Variants in PTPN9 observed in about 807,000 individuals in gnomAD.
PTPN9 encodes protein tyrosine phosphatase non-receptor type 9.
In PTPN9, 26 loss-of-function variants were observed where a neutral mutation model predicts 69.8. The observed-to-expected ratio is 0.37, with a 90% CI of 0.27 to 0.52. The LOEUF is 0.52. Ranked by LOEUF, PTPN9 falls within the 20% of genes least tolerant of loss-of-function variation. PTPN9 has a pLI of 0.91. For synonymous variants in PTPN9, 274 were observed against 272.5 expected, an observed-to-expected ratio of 1.01 and a Z score of -0.05; for missense variants, 549 against 740.3, an observed-to-expected ratio of 0.74 and a Z score of 3.00.
At chr15:75,475,012 C>T (rs1297810273) in intron 9 of PTPN9, among the ~76,000 whole-genome samples, 1 of 152,220 alleles carries the variant, frequency 6.6e-6, no homozygotes, top group African/African-American at 2.4e-5. Flanking sequence ...CTTTCTCTGA[C>T]CACCGCATTC....
At chr15:75,500,169 C>G (rs557058619) in intron 7 of PTPN9, among the ~76,000 whole-genome samples, 1 of 152,008 alleles carries the variant, frequency 6.6e-6, no homozygotes, top group East Asian at 1.9e-4. Flanking sequence ...CAAAATTAAC[C>G]GGGTGTGGTG....
At chr15:75,560,414 A>C (rs529411700) in intron 1 of PTPN9, among the ~76,000 whole-genome samples, 2 of 152,294 alleles carry the variant, frequency 1.3e-5, no homozygotes, top group East Asian at 1.9e-4. Flanking sequence ...GGCATGGAAG[A>C]GCTAGAGCCT....
chr15:75,468,931 G>C lies in PTPN9; in HGVS notation c.1620C>G (p.Thr540=), dbSNP rs750673882. ...GTGACACCGTCTGGAACACATTAAG[G>C]GTGCCAAGCTCCTCCAGCTGTGCCA... ...ICLAQLEELG[T]LNVFQTVSRM... Residue 540 remains threonine (T), a synonymous_variant, in exon 13 of 13, where the codon ACC becomes ACG. Transcript: ENST00000618819. The C allele has an allele frequency of 9.9e-6, 16 of 1,614,176 alleles. No homozygotes were observed. In the East Asian group the frequency reaches 3.6e-4, roughly 36 times the overall value.
At chr15:75,502,400 A>G (rs147082704) in intron 7 of PTPN9, among the ~76,000 whole-genome samples, 1 of 151,956 alleles carries the variant, frequency 6.6e-6, no homozygotes, top group South Asian at 2.1e-4. Context: ...GTGAGCCGAG[A>G]TCGTGCCATT....
At position 75,470,989 on chromosome 15, in the gene PTPN9, T is replaced by C. The variant is rs558971600; in HGVS notation, c.1209-159A>G. 23 of 881,718 alleles carry C rather than the reference T, an allele frequency of 2.6e-5. No homozygotes were observed. The South Asian group carries it at 4.7e-4, about 18-fold the overall frequency. The allele number at this position is 881,718 out of a possible 1,614,324, so 54.6% of individuals were successfully genotyped here. A position where few individuals can be genotyped will look rare whatever the true frequency, so the allele number is the denominator to read the frequency against. On this transcript the variant is annotated intron_variant, in intron 10 of 12. Coordinates refer to ENST00000618819, the MANE Select transcript of PTPN9 (RefSeq NM_002833.4). ...CTCAGCAGAAAGGAAAGGAAACCTCTTCATTCTAAACAAATGTACTCACAG... is the reference window on the plus strand; with the variant it reads ...CTCAGCAGAAAGGAAAGGAAACCTCCTCATTCTAAACAAATGTACTCACAG...
chr15:75,500,664 G>C (rs1342037458), intron 7 of PTPN9, among the ~76,000 whole-genome samples: 1 of 152,104 alleles, frequency 6.6e-6, no homozygotes, highest in African/African-American at 2.4e-5. Flanking sequence ...GCTGAGGCAG[G>C]AGGATCACTT....
At chr15:75,560,156 AT>A (rs1030373235) in intron 1 of PTPN9, among the ~76,000 whole-genome samples, 7 of 142,092 alleles carry the variant, frequency 4.9e-5, no homozygotes, top group African/African-American at 8.1e-5. Flanking sequence ...AAAAAAAAAA[AT>A]TTATCTGATA....
rs1412531654 is a variant in PTPN9, at chr15:75,470,687, T to C, written c.1352A>G (p.Asn451Ser). The C allele has an allele frequency of 1.2e-6, 2 of 1,614,118 alleles. No homozygotes were observed. Among genetic ancestry groups the C allele is most frequent in the Non-Finnish European group, 1.7e-6 (2 of 1,179,966 alleles). ...AAAGAAACCTGGATTTACCTCTGTG[T>C]TGTGAATTTCTAGCGTTGTTTTCTT... ...HYKKTTLEIH[N>S]TEERQKRQVT... is the part of the protein sequence containing the mutation. Residue 451 changes from asparagine (N) to serine (S), a missense_variant, in exon 11 of 13, where the codon AAC becomes AGC. By Grantham distance (46) the Asn-to-Ser change is conservative (BLOSUM62 1). Coordinates refer to ENST00000618819, the MANE Select transcript of PTPN9 (RefSeq NM_002833.4).
At chr15:75,481,945 G>A (rs1304711697) in intron 8 of PTPN9, among the ~76,000 whole-genome samples, 8 of 145,164 alleles carry the variant, frequency 5.5e-5, no homozygotes, top group South Asian at 2.3e-4. Flanking sequence ...CCACCACCCC[G>A]TCTGGGAGGT....
At chr15:75,542,912 A>G (rs897706228) in intron 1 of PTPN9, among the ~76,000 whole-genome samples, 2 of 149,988 alleles carry the variant, frequency 1.3e-5, no homozygotes, top group African/African-American at 2.5e-5. Flanking sequence ...GGTTTGTTAC[A>G]TATGTATACA....
At chr15:75,577,235 A>G (rs965725154) in intron 1 of PTPN9, among the ~76,000 whole-genome samples, 1 of 152,222 alleles carries the variant, frequency 6.6e-6, no homozygotes, top group African/African-American at 2.4e-5. Context: ...AACGGATGCT[A>G]TTTGCATAGA....
At chr15:75,548,898 C>G (rs556904844) in intron 1 of PTPN9, among the ~76,000 whole-genome samples, 1 of 151,164 alleles carries the variant, frequency 6.6e-6, no homozygotes, top group Non-Finnish European at 1.5e-5. Context: ...TGTGATCCGC[C>G]CGCCTCAGCC....
At chr15:75,529,292 A>C (rs563562731) in intron 1 of PTPN9, among the ~76,000 whole-genome samples, 1 of 151,916 alleles carries the variant, frequency 6.6e-6, no homozygotes, top group Admixed American at 6.6e-5. Flanking sequence ...GCCAGGAATA[A>C]TTTTTTTGTA....
At chr15:75,470,566 C>T in intron 11 of PTPN9, 114 bp downstream of exon 11, 1 of 1,313,184 alleles carries the variant, frequency 7.6e-7, no homozygotes. Flanking sequence ...CCTAGAAAAA[C>T]AGAAGCAACT....
chr15:75,508,963 G>A lies in PTPN9; in HGVS notation c.593C>T (p.Pro198Leu). The change falls in exon 6 of 13, where the codon CCC becomes CTC. Residue 198 changes from proline to leucine, a missense_variant. By Grantham distance (98) the Pro-to-Leu change is moderately conservative (BLOSUM62 -3). Transcript: ENST00000618819. ...IVGAPIWFRVPYSIISLLLKD... is the reference protein window; with the variant it reads ...IVGAPIWFRVLYSIISLLLKD... Reference sequence around the variant, plus strand: ...CAGGAGGAGACTGATGATGGAATAGGGCACTCGGAACCATATGGGTGCCCC... The same window carrying A: ...CAGGAGGAGACTGATGATGGAATAGAGCACTCGGAACCATATGGGTGCCCC... 1 of 1,614,100 alleles carries A rather than the reference G, an allele frequency of 6.2e-7. No individual in the cohort carries two copies. Among genetic ancestry groups the A allele is most frequent in the Non-Finnish European group, 8.5e-7 (1 of 1,179,978 alleles).
chr15:75,495,221 A>G (rs904039211), intron 7 of PTPN9, among the ~76,000 whole-genome samples: 1 of 152,132 alleles, frequency 6.6e-6, no homozygotes, highest in South Asian at 2.1e-4. Flanking sequence ...CCAACAAAGG[A>G]AAGAGGGAAA....
At chr15:75,538,163 C>T (rs2074993249) in intron 1 of PTPN9, among the ~76,000 whole-genome samples, 1 of 152,102 alleles carries the variant, frequency 6.6e-6, no homozygotes, top group Non-Finnish European at 1.5e-5. Context: ...CTTGGTTTAA[C>T]ATCAGGAGAT....
intron 1 of PTPN9, among the ~76,000 whole-genome samples, chr15:75,572,348 T>C (rs1408482386): frequency 6.6e-6 from 1 of 151,770 alleles, no homozygotes; most frequent in African/African-American, 2.4e-5. Context: ...AATAACATAA[T>C]GACAATGAAG....
rs370340509 is a variant in PTPN9 at position 75,469,987 on chromosome 15, G to A, written c.1372C>T (p.Arg458Cys). The A allele has an allele frequency of 2.3e-5, 37 of 1,611,404 alleles. No individual in the cohort carries two copies. Among genetic ancestry groups the A allele is most frequent in the East Asian group, 1.1e-4 (5 of 44,872 alleles). ...AAGAACTGGAAGTGGGTCACCTGGC[G>A]TTTCTGCCGTTCCTTAGATAAGAAA... ...EIHNTEERQK[R>C]QVTHFQFLSW... Residue 458 changes from arginine to cysteine, a missense_variant, in exon 12 of 13, where the codon CGC (arginine) becomes TGC (cysteine). Coordinates refer to ENST00000618819, the MANE Select transcript of PTPN9 (RefSeq NM_002833.4).
Sources: allele counts gnomAD v4.1 joint callset (sites outside exome capture counted in the v4.1 genomes callset), GRCh38; gene constraint gnomAD v4.1.1; transcripts MANE v1.5; gene names NCBI Gene and HGNC (gene_info 2026-07-23, HGNC 2026-07-21).